The following ARHGAP26 variants were observed in gnomAD, a reference collection of about 807,000 sequenced individuals.
The protein encoded by ARHGAP26 is rho GTPase-activating protein 26.
In ARHGAP26, 38 loss-of-function variants were observed where a neutral mutation model predicts 104.8. The observed-to-expected ratio is 0.36, with a 90% CI of 0.28 to 0.48. The LOEUF (loss-of-function observed/expected upper bound fraction) is 0.48, where lower values mean the gene tolerates loss of function less well. Among genes scored for constraint, ARHGAP26 ranks in the 20% least tolerant of loss-of-function variants. The pLI, the probability that ARHGAP26 is intolerant of heterozygous loss-of-function variation, is 0.99. For synonymous variants in ARHGAP26, 341 were observed against 340.0 expected, an observed-to-expected ratio of 1.00 and a Z score of -0.03; for missense variants, 704 against 947.9, an observed-to-expected ratio of 0.74 and a Z score of 3.38.
chr5:142,968,621 C>G (rs895678766), intron 11 of ARHGAP26, among the ~76,000 whole-genome samples: 13 of 152,254 alleles, frequency 8.5e-5, no homozygotes, highest in African/African-American at 3.1e-4. Flanking sequence ...CATAGGATTG[C>G]ACTTCTTTTG....
chr5:143,177,951 G>C (rs563199667), intron 20 of ARHGAP26, among the ~76,000 whole-genome samples: 2 of 150,312 alleles, frequency 1.3e-5, no homozygotes, highest in Admixed American at 1.3e-4. Flanking sequence ...GAGGCTCAGA[G>C]GGCATAAGTG....
chr5:143,113,388 T>A (rs1031618525), intron 17 of ARHGAP26, among the ~76,000 whole-genome samples: 2 of 152,242 alleles, frequency 1.3e-5, no homozygotes, highest in Non-Finnish European at 2.9e-5. Context: ...GAGAACACTT[T>A]GCTAGTTATT....
intron 16 of ARHGAP26, among the ~76,000 whole-genome samples, chr5:143,056,439 G>C (rs967122098): frequency 6.7e-6 from 1 of 150,074 alleles, no homozygotes; most frequent in African/African-American, 2.5e-5. Flanking sequence ...CAGCCTTTGA[G>C]TAGCATTTTG....
chr5:142,863,460 A>G (rs1753729657), intron 1 of ARHGAP26, among the ~76,000 whole-genome samples: 1 of 152,182 alleles, frequency 6.6e-6, no homozygotes, highest in South Asian at 2.1e-4. Context: ...CTAGGTTCAC[A>G]TGTATAGTTG....
chr5:143,186,245 G>A (rs976037271), intron 20 of ARHGAP26, among the ~76,000 whole-genome samples: 1 of 152,198 alleles, frequency 6.6e-6, no homozygotes, highest in Non-Finnish European at 1.5e-5. Context: ...GGCAGCATTT[G>A]TATGAAACGT....
At chr5:142,880,443 AGGAGGT>A (rs951528613) in intron 4 of ARHGAP26, among the ~76,000 whole-genome samples, 4 of 151,844 alleles carry the variant, frequency 2.6e-5, no homozygotes, top group African/African-American at 9.7e-5. Flanking sequence ...GCTTGAACCC[AGGAGGT>A]GGAGGTTGCA....
intron 17 of ARHGAP26, among the ~76,000 whole-genome samples, chr5:143,087,478 C>G (rs967341696): frequency 3.9e-5 from 6 of 152,006 alleles, no homozygotes; most frequent in Admixed American, 2.0e-4. Context: ...TAGTATATGC[C>G]AGCCCCTAAC....
At chr5:143,149,852 A>G (rs554068825) in intron 20 of ARHGAP26, among the ~76,000 whole-genome samples, 1 of 152,326 alleles carries the variant, frequency 6.6e-6, no homozygotes, top group East Asian at 1.9e-4. Context: ...CCAGGAAGCT[A>G]TCTGTTCTTT....
chr5:143,046,191 C>T (rs990932826), intron 14 of ARHGAP26, among the ~76,000 whole-genome samples: 6 of 152,054 alleles, frequency 3.9e-5, no homozygotes, highest in African/African-American at 1.2e-4. Flanking sequence ...TATAGCCCTG[C>T]TACTCAGGAG....
At chr5:142,953,993 C>G (rs1267975043) in intron 11 of ARHGAP26, among the ~76,000 whole-genome samples, 1 of 152,154 alleles carries the variant, frequency 6.6e-6, no homozygotes, top group African/African-American at 2.4e-5. Flanking sequence ...TTTGGACCAC[C>G]AAGGGACAAG....
chr5:143,225,986 G>GA lies in ARHGAP26; in HGVS notation c.*3542dup, dbSNP rs1339296792. On this transcript the variant is annotated 3_prime_UTR_variant, in exon 23 of 23. Coordinates refer to ENST00000645722, the MANE Select transcript of ARHGAP26 (RefSeq NM_001135608.3). Reference sequence around the variant, plus strand: ...CCCCTACCTCTGACTCTCTCTGTGTGAACAGGAAACTTTAGGGCAGATGAG... The same window carrying GA: ...CCCCTACCTCTGACTCTCTCTGTGTGAAACAGGAAACTTTAGGGCAGATGAG... 5 of 218,076 alleles carry GA rather than the reference G, an allele frequency of 2.3e-5. No homozygotes were observed. Among genetic ancestry groups the GA allele is most frequent in the Non-Finnish European group, 4.6e-5 (5 of 108,270 alleles). The allele number at this position is 218,076 out of a possible 1,614,324, so 13.5% of individuals were successfully genotyped here.
intron 1 of ARHGAP26, among the ~76,000 whole-genome samples, chr5:142,777,983 T>C (rs1459086546): frequency 6.6e-6 from 1 of 152,046 alleles, no homozygotes; most frequent in Non-Finnish European, 1.5e-5. Context: ...GGAGCAACAA[T>C]GGAGGCAAGA....
intron 1 of ARHGAP26, among the ~76,000 whole-genome samples, chr5:142,858,960 C>T (rs866594140): frequency 8.5e-5 from 13 of 152,270 alleles, no homozygotes; most frequent in Admixed American, 5.9e-4. Flanking sequence ...GGATGGATTG[C>T]GGCACCTTTG....
intron 21 of ARHGAP26, among the ~76,000 whole-genome samples, chr5:143,208,186 GA>G (rs3836769): frequency 0.15 from 22,039 of 150,702 alleles, 1,654 homozygotes; most frequent in Non-Finnish European, 0.16. Flanking sequence ...TGCTCTTTGG[GA>G]AAAAAAAAGA....
chr5:142,797,376 G>C (rs1303228594), intron 1 of ARHGAP26, among the ~76,000 whole-genome samples: 1 of 152,164 alleles, frequency 6.6e-6, no homozygotes, highest in Admixed American at 6.5e-5. Flanking sequence ...AAGTAGTTTT[G>C]TTCATTTTTC....
At chr5:143,073,629 T>A (rs1788577442) in intron 17 of ARHGAP26, among the ~76,000 whole-genome samples, 1 of 152,238 alleles carries the variant, frequency 6.6e-6, no homozygotes, top group Admixed American at 6.5e-5. Flanking sequence ...TAGGCTAATG[T>A]ACCAGGCCTT....
rs117758129 is a variant in ARHGAP26 at position 143,146,935 on chromosome 5, C to T, written c.1838-296C>T. On this transcript the variant is annotated intron_variant, in intron 19 of 22. Coordinates refer to ENST00000645722, the MANE Select transcript of ARHGAP26 (RefSeq NM_001135608.3). ...GCAATCTGCCAGTCAAAAGAAGATG[C>T]AATTTATGGTGCCATAGTAGGGCCA... Among the ~76,000 whole-genome samples the T allele has an allele frequency of 4.3e-3, 660 of 152,258 alleles. 16 individuals carry two copies. Among genetic ancestry groups the T allele is most frequent in the Admixed American group, 0.038 (580 of 15,292 alleles).
intron 11 of ARHGAP26, among the ~76,000 whole-genome samples, chr5:142,971,703 T>C (rs898318776): frequency 6.6e-5 from 10 of 152,156 alleles, no homozygotes; most frequent in Non-Finnish European, 1.5e-4. Context: ...TAGACACAAT[T>C]ATCCCTGTTT....
chr5:143,141,651 A>G (rs950488508), intron 19 of ARHGAP26, among the ~76,000 whole-genome samples: 29 of 152,350 alleles, frequency 1.9e-4, no homozygotes, highest in Middle Eastern at 3.4e-3. Context: ...AATGAGCAAG[A>G]ATATAAGCCG....
Sources: allele counts gnomAD v4.1 joint callset (sites outside exome capture counted in the v4.1 genomes callset), GRCh38; gene constraint gnomAD v4.1.1; transcripts MANE v1.5; gene names NCBI Gene and HGNC (gene_info 2026-07-23, HGNC 2026-07-21).